The following DKK4 variants were observed in gnomAD, a reference collection of about 807,000 sequenced individuals.
The protein encoded by DKK4 is dickkopf Wnt signaling pathway inhibitor 4.
In DKK4, 15 loss-of-function variants were observed where a neutral mutation model predicts 14.5. The observed-to-expected ratio is 1.03, with a 90% CI of 0.69 to 1.59. DKK4 has a LOEUF of 1.59. Ranked by LOEUF, DKK4 falls within the 40% of genes most tolerant of loss-of-function variation. The probability of loss-of-function intolerance (pLI) is 0.00; values close to 1 mark genes in which losing one functional copy is unlikely to be tolerated. For synonymous variants in DKK4, 89 were observed against 105.2 expected, an observed-to-expected ratio of 0.85 and a Z score of 0.94; for missense variants, 272 against 280.3, an observed-to-expected ratio of 0.97 and a Z score of 0.21.
chr8:42,390,588 C>T, the DKK4 span, among the ~76,000 whole-genome samples: 1 of 151,578 alleles, frequency 6.6e-6, no homozygotes, highest in East Asian at 1.9e-4. Flanking sequence ...TGGTCTCGAT[C>T]TCCTGACCTC....
chr8:42,390,702 A>C, the DKK4 span, among the ~76,000 whole-genome samples: 1 of 152,016 alleles, frequency 6.6e-6, no homozygotes, highest in Non-Finnish European at 1.5e-5. Flanking sequence ...TGAAACTGAC[A>C]TTTTTGAAGA....
chr8:42,384,376 C>A, the DKK4 span, among the ~76,000 whole-genome samples: 2 of 152,154 alleles, frequency 1.3e-5, no homozygotes, highest in Admixed American at 6.5e-5. Context: ...CTCTTGGGCT[C>A]AAGCGATCCT....
At chr8:42,377,876 A>G (rs1179643873), upstream of DKK4, among the ~76,000 whole-genome samples, 1 of 152,220 alleles carries the variant, frequency 6.6e-6, no homozygotes, top group African/African-American at 2.4e-5. Flanking sequence ...TAATTTATGA[A>G]AATCCCATTT....
the DKK4 span, among the ~76,000 whole-genome samples, chr8:42,385,867 A>G: frequency 2.0e-5 from 3 of 152,246 alleles, no homozygotes; most frequent in Non-Finnish European, 4.4e-5. Flanking sequence ...AAGAAAATTG[A>G]AGTCAGATAT....
the DKK4 span, among the ~76,000 whole-genome samples, chr8:42,384,630 C>T: frequency 6.6e-6 from 1 of 152,098 alleles, no homozygotes; most frequent in Non-Finnish European, 1.5e-5. Flanking sequence ...GCAGCTGAAG[C>T]CTCTCTCTTG....
In DKK4 at chr8:42,374,844, T is replaced by C. The variant is rs1227207962; in HGVS notation, c.332A>G (p.His111Arg). Reference protein sequence around the residue: ...ERQLDEQDGTHAEGTTGHPVQ... With the variant: ...ERQLDEQDGTRAEGTTGHPVQ... ...TGGGTGCCCAGTTGTTCCTTCTGCA[T>C]GTGTGCCATCTTGCTCATCAAGCTG... Residue 111 changes from histidine (H) to arginine (R), a missense_variant, in exon 3 of 4, where the codon CAT becomes CGT. Physicochemically the swap from His to Arg is conservative, Grantham distance 29. Coordinates refer to ENST00000220812, the MANE Select transcript of DKK4 (RefSeq NM_014420.3). The C allele has an allele frequency of 6.2e-7, 1 of 1,614,098 alleles. No individual in the cohort carries two copies. The highest frequency in any genetic ancestry group is 1.3e-5 in the African/African-American group (1 of 74,930).
chr8:42,383,413 C>T, the DKK4 span, among the ~76,000 whole-genome samples: 118 of 152,394 alleles, frequency 7.7e-4, no homozygotes, highest in Non-Finnish European at 1.5e-3. Flanking sequence ...ATTGGGCTGG[C>T]ATCTGCCATG....
chr8:42,374,281 A>G lies in DKK4; in HGVS notation c.494T>C (p.Ile165Thr), dbSNP rs541376818. The stretch of plus-strand genomic sequence containing the variant: ...TCCCTCCAAAAGGACTGGCTTACAA[A>G]TTTTCGTCCAAAAATGACGAGCACA... ...LCCARHFWTK[I>T]CKPVLLEGQV... Residue 165 changes from isoleucine (I) to threonine (T), a missense_variant, in exon 4 of 4, where the codon ATT becomes ACT. By Grantham distance (89) the Ile-to-Thr change is moderately conservative (BLOSUM62 -1). Transcript: ENST00000220812. 549 of 1,611,814 alleles carry G rather than the reference A, an allele frequency of 3.4e-4. 11 individuals are homozygous for G. In the South Asian group the frequency reaches 5.7e-3, roughly 17 times the overall value.
At chr8:42,378,652 C>A (rs529582909), upstream of DKK4, among the ~76,000 whole-genome samples, 1 of 152,200 alleles carries the variant, frequency 6.6e-6, no homozygotes, top group African/African-American at 2.4e-5. Context: ...CTGCTTCCTG[C>A]TGCCTCACTG....
the DKK4 span, among the ~76,000 whole-genome samples, chr8:42,384,423 A>G: frequency 6.6e-6 from 1 of 152,132 alleles, no homozygotes; most frequent in African/African-American, 2.4e-5. Flanking sequence ...GATTACAGTC[A>G]TGAGCCACAG....
chr8:42,384,303 C>G, the DKK4 span, among the ~76,000 whole-genome samples: 1 of 152,176 alleles, frequency 6.6e-6, no homozygotes. Flanking sequence ...GCCACCGCAA[C>G]AGCTAATTTT....
rs1824544703 is a variant in DKK4, at chr8:42,375,692, G to T, written c.250C>A (p.Leu84Ile). ...QRDAMCCPGT[L>I]CVNDVCTTME... is the part of the protein sequence containing the mutation. ...TTATGTCGCTCACCGTTCACACAGA[G>T]TGTCCCAGGGCAGCACATGGCATCT... The change falls in exon 2 of 4, where the codon CTC becomes ATC. Residue 84 changes from leucine (L) to isoleucine (I), a missense_variant. Leu to Ile is a conservative substitution (Grantham distance 5). Transcript: ENST00000220812. 16 of 1,613,498 alleles carry T rather than the reference G, an allele frequency of 9.9e-6. No individual in the cohort carries two copies. Among genetic ancestry groups the T allele is most frequent in the Non-Finnish European group, 1.4e-5 (16 of 1,180,024 alleles).
chr8:42,375,020 T>A, intron 2 of DKK4, 107 bp from the exon 3 acceptor site: 2 of 1,113,496 alleles, frequency 1.8e-6, no homozygotes, highest in Non-Finnish European at 2.6e-6. Flanking sequence ...CTGCCTTCAG[T>A]TTATATATAA....
At chr8:42,375,072 C>T (rs541644280) in intron 2 of DKK4, among the ~76,000 whole-genome samples, 159 bp from the exon 3 acceptor site, 8 of 152,182 alleles carry the variant, frequency 5.3e-5, no homozygotes, top group African/African-American at 1.4e-4. Flanking sequence ...TTTACATGCT[C>T]GCATGTGGCA....
the DKK4 span, among the ~76,000 whole-genome samples, chr8:42,383,485 G>A: frequency 6.6e-6 from 1 of 152,236 alleles, no homozygotes; most frequent in Non-Finnish European, 1.5e-5. Context: ...CGTGGCCCAC[G>A]CCTTTGGAGC....
chr8:42,375,683 T>G lies in DKK4; in HGVS notation c.259A>C (p.Asn87His), dbSNP rs2130872898. ...CTGTTGGCGTTATGTCGCTCACCGTTCACACAGAGTGTCCCAGGGCAGCAC... is the reference window on the plus strand; with the variant it reads ...CTGTTGGCGTTATGTCGCTCACCGTGCACACAGAGTGTCCCAGGGCAGCAC... ...AMCCPGTLCV[N>H]DVCTTMEDAT... Residue 87 changes from asparagine to histidine, a missense_variant, in exon 2 of 4, where the codon AAC (asparagine) becomes CAC (histidine). Transcript: ENST00000220812. 6.2e-7 allele frequency: 1 copy of G among 1,613,314 alleles called. No homozygotes were observed. Among genetic ancestry groups the G allele is most frequent in the East Asian group, 2.2e-5 (1 of 44,882 alleles).
chr8:42,383,772 G>A, the DKK4 span, among the ~76,000 whole-genome samples: 6 of 152,134 alleles, frequency 3.9e-5, no homozygotes, highest in African/African-American at 7.2e-5. Flanking sequence ...GCGAAACCCC[G>A]TCTCTACTAA....
intron 1 of DKK4, among the ~76,000 whole-genome samples, chr8:42,376,521 T>C (rs1280986820): frequency 6.6e-6 from 1 of 152,218 alleles, no homozygotes; most frequent in East Asian, 1.9e-4. Flanking sequence ...AAATTCTCAT[T>C]CCCATGTTTG....
chr8:42,386,233 G>A, the DKK4 span, among the ~76,000 whole-genome samples: 1 of 152,052 alleles, frequency 6.6e-6, no homozygotes, highest in Admixed American at 6.6e-5. Flanking sequence ...GGGGATATAG[G>A]TGTGCACCAC....
Sources: allele counts gnomAD v4.1 joint callset (sites outside exome capture counted in the v4.1 genomes callset), GRCh38; gene constraint gnomAD v4.1.1; transcripts MANE v1.5; gene names NCBI Gene and HGNC (gene_info 2026-07-23, HGNC 2026-07-21).